Variants in PPIH observed in about 807,000 individuals in gnomAD.
PPIH encodes the protein peptidyl-prolyl cis-trans isomerase H.
Under a neutral mutation model 27.6 loss-of-function variants are expected in PPIH, and 16 were observed. The observed-to-expected ratio is 0.58, with a 90% CI of 0.39 to 0.88. The LOEUF (loss-of-function observed/expected upper bound fraction) is 0.88, where lower values mean the gene tolerates loss of function less well. Among genes scored for constraint, PPIH ranks in the 40% least tolerant of loss-of-function variants. PPIH has a pLI of 0.00. For missense variants in PPIH, 155 were observed against 224.1 expected (o/e 0.69, Z 1.97); for synonymous variants, 63 against 76.1 (o/e 0.83, Z 0.90).
intron 5 of PPIH, 48 bp from the exon 6 acceptor site, chr1:42,664,815 A>G: frequency 6.8e-7 from 1 of 1,462,642 alleles, no homozygotes; most frequent in Non-Finnish European, 9.4e-7. Flanking sequence ...TCCGGTTTCC[A>G]GGGACCCAAC....
chr1:42,669,423 G>A (rs1360784877), intron 9 of PPIH, among the ~76,000 whole-genome samples: 1 of 152,030 alleles, frequency 6.6e-6, no homozygotes, highest in African/African-American at 2.4e-5. Flanking sequence ...ATAGCTATAA[G>A]TAGCTAGGAC....
chr1:42,680,121 G>T (rs1287494749), downstream of PPIH, among the ~76,000 whole-genome samples: 1 of 152,160 alleles, frequency 6.6e-6, no homozygotes, highest in Non-Finnish European at 1.5e-5. Flanking sequence ...AGAGGATGAA[G>T]AATTAAGCAG....
rs1480830267 is a variant in PPIH at position 42,659,234 on chromosome 1, C to T, written c.138C>T (p.Phe46=). 6.2e-7 allele frequency: 1 copy of T among 1,614,076 alleles called. No individual in the cohort carries two copies. Among genetic ancestry groups the T allele is most frequent in the Non-Finnish European group, 8.5e-7 (1 of 1,180,044 alleles). ...VPKTAENFRQ[F]CTGEFRKDGV... is the part of the protein sequence containing the mutation. The stretch of plus-strand genomic sequence containing the variant: ...CATTTTTTGTCCCTTTCAGGCAGTT[C>T]TGCACCGGAGAATTCAGGTCAGTTT... Residue 46 remains phenylalanine (F), a synonymous_variant, in exon 3 of 10, where the codon TTC becomes TTT. Coordinates refer to ENST00000304979, the MANE Select transcript of PPIH (RefSeq NM_006347.4).
chr1:42,669,871 A>G lies in PPIH; in HGVS notation c.*21+2431A>G, dbSNP rs568964963. The stretch of plus-strand genomic sequence containing the variant: ...CTAGTATTTTTAAAGTCTTATTTGT[A>G]CATTTATAAAATCATCTATAATTAA... On this transcript the variant is annotated intron_variant, in intron 9 of 9. Coordinates refer to ENST00000304979, the MANE Select transcript of PPIH (RefSeq NM_006347.4). Among the ~76,000 whole-genome samples, 3 of 152,332 alleles carry G rather than the reference A, an allele frequency of 2.0e-5. No individual in the cohort carries two copies. In the South Asian group the frequency reaches 6.2e-4, roughly 32 times the overall value.
Position 42,660,796 on chromosome 1 carries a change from T to C in PPIH, c.201-66T>C, listed in dbSNP as rs188599792. On this transcript the variant is annotated intron_variant, in intron 4 of 9. Transcript: ENST00000304979. ...TGAAATCAACGTTAATCTAATACAA[T>C]AATAACAACATCTATGTTTTTCTAA... The C allele has an allele frequency of 1.3e-4, 175 of 1,323,126 alleles. 2 individuals are homozygous for C. The East Asian group carries it at 3.6e-3, about 27-fold the overall frequency. The allele number at this position is 1,323,126 out of a possible 1,614,324, so 82.0% of individuals were successfully genotyped here. A position where few individuals can be genotyped will look rare whatever the true frequency, so the allele number is the denominator to read the frequency against.
At chr1:42,668,875 A>G (rs998351878) in intron 9 of PPIH, among the ~76,000 whole-genome samples, 1 of 152,114 alleles carries the variant, frequency 6.6e-6, no homozygotes, top group African/African-American at 2.4e-5. Flanking sequence ...TGTCTTGAAA[A>G]CTTTTCCTTC....
At chr1:42,681,236 T>C (rs1384000104), downstream of PPIH, 1 of 152,198 alleles carries the variant, frequency 6.6e-6, no homozygotes, top group Non-Finnish European at 1.5e-5. Context: ...TGCCCACCTC[T>C]GCAACCCAAT....
downstream of PPIH, among the ~76,000 whole-genome samples, chr1:42,679,392 G>C (rs999490919): frequency 2.6e-5 from 4 of 152,108 alleles, no homozygotes; most frequent in African/African-American, 9.7e-5. Context: ...GTTTTGCCAC[G>C]TTGGCCGGGC....
At chr1:42,681,005 T>C (rs369166955), downstream of PPIH, among the ~76,000 whole-genome samples, 3 of 152,308 alleles carry the variant, frequency 2.0e-5, no homozygotes, top group Admixed American at 6.5e-5. Flanking sequence ...AGAACGCCTT[T>C]AGGAGGTGGA....
chr1:42,679,248 G>T (rs1400774610), downstream of PPIH, among the ~76,000 whole-genome samples: 1 of 152,228 alleles, frequency 6.6e-6, no homozygotes, highest in African/African-American at 2.4e-5. Flanking sequence ...GGAGTGCAGT[G>T]GCACAATCTC....
downstream of PPIH, chr1:42,676,812 T>G (rs529040599): frequency 6.6e-6 from 1 of 152,216 alleles, no homozygotes; most frequent in East Asian, 1.9e-4. Flanking sequence ...TAAATAGTTG[T>G]AATAGCCCTG....
intron 2 of PPIH, 112 bp from the exon 3 acceptor site, chr1:42,659,116 G>A: frequency 2.0e-6 from 3 of 1,523,202 alleles, no homozygotes; most frequent in Non-Finnish European, 2.7e-6. Flanking sequence ...TGGACGTCTG[G>A]CTGGCCGATT....
chr1:42,674,214 T>C (rs886928287), intron 9 of PPIH, among the ~76,000 whole-genome samples: 1 of 152,174 alleles, frequency 6.6e-6, no homozygotes, highest in Admixed American at 6.5e-5. Flanking sequence ...CCCAGAGTGG[T>C]TGAGTAGACT....
chr1:42,665,058 C>T, intron 6 of PPIH, 103 bp downstream of exon 6: 1 of 988,120 alleles, frequency 1.0e-6, no homozygotes, highest in Non-Finnish European at 1.6e-6. Context: ...TGCTTTCCTT[C>T]TCTTGCTTGG....
intron 9 of PPIH, among the ~76,000 whole-genome samples, chr1:42,672,127 T>A (rs551420060): frequency 1.1e-4 from 17 of 152,106 alleles, no homozygotes; most frequent in African/African-American, 4.1e-4. Flanking sequence ...TCATGATCCA[T>A]CCGCCTCGGA....
At chr1:42,658,934 G>T in intron 2 of PPIH, 26 bp downstream of exon 2, 1 of 1,611,742 alleles carries the variant, frequency 6.2e-7, no homozygotes, top group Non-Finnish European at 8.5e-7. Context: ...AGCTCCGCTG[G>T]ATTAGCTGAG....
intron 9 of PPIH, among the ~76,000 whole-genome samples, chr1:42,675,004 T>C (rs908213236): frequency 6.6e-6 from 1 of 152,150 alleles, no homozygotes; most frequent in Non-Finnish European, 1.5e-5. Flanking sequence ...CTTAACAAAA[T>C]AAAGAGGTAG....
intron 4 of PPIH, among the ~76,000 whole-genome samples, chr1:42,660,366 T>G (rs1648938559): frequency 6.6e-6 from 1 of 152,198 alleles, no homozygotes; most frequent in African/African-American, 2.4e-5. Flanking sequence ...GAAAATCCTT[T>G]TTTATGGTTA....
intron 5 of PPIH, among the ~76,000 whole-genome samples, chr1:42,661,448 A>T (rs957504639): frequency 1.3e-5 from 2 of 152,154 alleles, no homozygotes; most frequent in African/African-American, 4.8e-5. Flanking sequence ...AGCCCAGTGA[A>T]ATAGTTCTTT....
Sources: allele counts gnomAD v4.1 joint callset (sites outside exome capture counted in the v4.1 genomes callset), GRCh38; gene constraint gnomAD v4.1.1; transcripts MANE v1.5; gene names NCBI Gene and HGNC (gene_info 2026-07-23, HGNC 2026-07-21).